MICU2: variants seen among roughly 807,000 people sequenced by gnomAD.
MICU2 encodes calcium uptake protein 2, mitochondrial.
A neutral mutation model predicts 60.4 loss-of-function variants in MICU2; 64 were observed. The observed-to-expected ratio is 1.06, with a 90% CI of 0.87 to 1.31. The LOEUF is 1.31. Among genes scored for constraint, MICU2 ranks in the 50% most tolerant of loss-of-function variants. The pLI is 0.00. For synonymous variants in MICU2, 201 were observed against 175.0 expected, an observed-to-expected ratio of 1.15 and a Z score of -1.17; for missense variants, 569 against 531.0, an observed-to-expected ratio of 1.07 and a Z score of -0.70.
intron 1 of MICU2, among the ~76,000 whole-genome samples, chr13:21,568,547 C>T (rs775873116): frequency 7.2e-5 from 11 of 152,152 alleles, no homozygotes; most frequent in Admixed American, 1.3e-4. Context: ...ACATTTTAAA[C>T]GTGGGGCAAA....
intron 2 of MICU2, among the ~76,000 whole-genome samples, chr13:21,559,473 T>A (rs1357484757): frequency 3.9e-5 from 6 of 152,134 alleles, no homozygotes; most frequent in Non-Finnish European, 8.8e-5. Flanking sequence ...TATGCTAATG[T>A]TTAATTTTAT....
chr13:21,557,263 T>A (rs1306294488), intron 2 of MICU2, among the ~76,000 whole-genome samples: 1 of 151,956 alleles, frequency 6.6e-6, no homozygotes, highest in Non-Finnish European at 1.5e-5. Context: ...GGGAAGTGAA[T>A]AAGAATGAAG....
chr13:21,525,210 T>TTTTTTTTG (rs1886819788), intron 4 of MICU2, among the ~76,000 whole-genome samples: 1 of 135,220 alleles, frequency 7.4e-6, no homozygotes. Context: ...TTTTTTTTTT[T>TTTTTTTTG]GAGATGGAGT....
chr13:21,517,799 A>ACACGCG (rs1244489287), intron 6 of MICU2, among the ~76,000 whole-genome samples: 130 of 136,394 alleles, frequency 9.5e-4, no homozygotes, highest in Admixed American at 1.7e-3. Context: ...ACACACACAC[A>ACACGCG]CGCGCGCGCG....
At chr13:21,551,803 T>C (rs1887574929) in intron 2 of MICU2, among the ~76,000 whole-genome samples, 2 of 152,056 alleles carry the variant, frequency 1.3e-5, no homozygotes, top group Non-Finnish European at 2.9e-5. Flanking sequence ...TTCCATGGTG[T>C]ATATGTGCCA....
At chr13:21,493,996 T>G (rs75557779) in intron 11 of MICU2, among the ~76,000 whole-genome samples, 7,326 of 152,132 alleles carry the variant, frequency 0.048, 585 homozygotes, top group African/African-American at 0.17. Context: ...TACTCCAGAT[T>G]ATATATGTTC....
In MICU2 at chr13:21,603,908, CTGGGGCTAGCAGAAGGAGTTAG is replaced by C. The variant is rs747666878; in HGVS notation, c.210+9_210+30del. 3 of 1,607,594 alleles carry C rather than the reference CTGGGGCTAGCAGAAGGAGTTAG, an allele frequency of 1.9e-6. No homozygotes were observed. In the Admixed American group the frequency reaches 5.0e-5, roughly 27 times the overall value. On this transcript the variant is annotated intron_variant, in intron 1 of 11. Coordinates refer to ENST00000382374, the MANE Select transcript of MICU2 (RefSeq NM_152726.3). ...GGCGTCAGGGGAGGGAGGAGCTTGACTGGGGCTAGCAGAAGGAGTTAGTCCTGTACCTGTGCGGAGACTGTAA... is the reference window on the plus strand; with the variant it reads ...GGCGTCAGGGGAGGGAGGAGCTTGACTCCTGTACCTGTGCGGAGACTGTAA...
rs374373614 is a variant in MICU2, at chr13:21,517,770, G to GAC, written c.598-3354_598-3353dup. On this transcript the variant is annotated intron_variant, in intron 6 of 11. Transcript: ENST00000382374. Reference sequence around the variant, plus strand: ...ACTCCAGCCTGGGTGACAGAGCGAGGACACACACACACACACACACACACA... The same window carrying GAC: ...ACTCCAGCCTGGGTGACAGAGCGAGGACACACACACACACACACACACACACA... Among the ~76,000 whole-genome samples, 524 of 144,604 alleles carry GAC rather than the reference G, an allele frequency of 3.6e-3. 1 individual carries two copies. The highest frequency in any genetic ancestry group is 0.012 in the African/African-American group (462 of 39,930). 94.9% of individuals were successfully genotyped at this position (144,604 alleles called of 152,430 possible).
chr13:21,526,229 C>T (rs528576366), intron 4 of MICU2, among the ~76,000 whole-genome samples: 1 of 149,984 alleles, frequency 6.7e-6, no homozygotes, highest in South Asian at 2.1e-4. Context: ...GCTAGGACTG[C>T]AGGTGTGAGC....
intron 6 of MICU2, among the ~76,000 whole-genome samples, chr13:21,516,314 T>C (rs1304435058): frequency 6.6e-6 from 1 of 152,222 alleles, no homozygotes; most frequent in Non-Finnish European, 1.5e-5. Context: ...TAAATGAAAT[T>C]AACTAGTATG....
chr13:21,510,575 A>G (rs1242807584), intron 7 of MICU2, among the ~76,000 whole-genome samples: 1 of 152,186 alleles, frequency 6.6e-6, no homozygotes, highest in African/African-American at 2.4e-5. Context: ...AGGCAGATTC[A>G]CACATTCTTC....
At chr13:21,520,893 G>T (rs1190840807) in intron 6 of MICU2, among the ~76,000 whole-genome samples, 3 of 151,544 alleles carry the variant, frequency 2.0e-5, no homozygotes, top group Middle Eastern at 3.4e-3. Flanking sequence ...TATTCTTTTT[G>T]TATATCTTTA....
chr13:21,592,349 C>T (rs1218172537), intron 1 of MICU2, among the ~76,000 whole-genome samples: 3 of 152,076 alleles, frequency 2.0e-5, no homozygotes, highest in Non-Finnish European at 1.5e-5. Context: ...CAATAACAAG[C>T]TGGGAAACTG....
intron 9 of MICU2, among the ~76,000 whole-genome samples, chr13:21,499,471 A>G (rs1886088873): frequency 2.0e-5 from 3 of 151,426 alleles, no homozygotes; most frequent in Non-Finnish European, 4.4e-5. Flanking sequence ...GTGCAGTAGC[A>G]CAATCTCGGC....
In MICU2 at chr13:21,596,119, C is replaced by T. The variant is rs533289133; in HGVS notation, c.210+7820G>A. ...GAGGTACTTGCAATGGAGGTACTTACATTCTCCACGTCTCCTCTTTTGATT... is the reference window on the plus strand; with the variant it reads ...GAGGTACTTGCAATGGAGGTACTTATATTCTCCACGTCTCCTCTTTTGATT... On this transcript the variant is annotated intron_variant, in intron 1 of 11. Coordinates refer to ENST00000382374, the MANE Select transcript of MICU2 (RefSeq NM_152726.3). Among the ~76,000 whole-genome samples, 68 of 152,272 alleles carry T rather than the reference C, an allele frequency of 4.5e-4. 2 individuals carry two copies. In the South Asian group the frequency reaches 0.011, roughly 25 times the overall value.
At chr13:21,496,009 G>T in intron 10 of MICU2, 43 bp downstream of exon 10, 3 of 1,401,972 alleles carry the variant, frequency 2.1e-6, no homozygotes, top group Non-Finnish European at 3.0e-6. Flanking sequence ...TAGTAAAACT[G>T]TTTATAGATG....
intron 2 of MICU2, among the ~76,000 whole-genome samples, chr13:21,563,945 G>A (rs1477087396): frequency 1.3e-5 from 2 of 152,004 alleles, no homozygotes; most frequent in African/African-American, 2.4e-5. Context: ...TAGGACTACA[G>A]GTGTGTGCCA....
intron 4 of MICU2, among the ~76,000 whole-genome samples, chr13:21,525,817 A>G (rs1384783337): frequency 6.6e-6 from 1 of 151,940 alleles, no homozygotes; most frequent in East Asian, 1.9e-4. Flanking sequence ...ATATGAATAT[A>G]TACGATTTGA....
chr13:21,525,952 TTTA>T (rs1886844393), intron 4 of MICU2, among the ~76,000 whole-genome samples: 1 of 137,346 alleles, frequency 7.3e-6, no homozygotes, highest in Middle Eastern at 3.4e-3. Flanking sequence ...TTATTTATTT[TTTA>T]ACAAGGTCTC....
Sources: allele counts gnomAD v4.1 joint callset (sites outside exome capture counted in the v4.1 genomes callset), GRCh38; gene constraint gnomAD v4.1.1; transcripts MANE v1.5; gene names NCBI Gene and HGNC (gene_info 2026-07-23, HGNC 2026-07-21).